Variants in PKN3 observed in about 807,000 individuals in gnomAD.
The protein encoded by PKN3 is serine/threonine-protein kinase N3.
PKN3 carries 91 observed loss-of-function variants against 113.1 expected under a neutral mutation model. That is an observed-to-expected ratio of 0.80 (90% CI 0.68 to 0.96). The LOEUF (loss-of-function observed/expected upper bound fraction) is 0.96, where lower values mean the gene tolerates loss of function less well. Ranked by LOEUF, PKN3 falls within the 40% of genes least tolerant of loss-of-function variation. The probability of loss-of-function intolerance (pLI) is 0.00; values close to 1 mark genes in which losing one functional copy is unlikely to be tolerated. For synonymous variants in PKN3, 467 were observed against 499.0 expected, an observed-to-expected ratio of 0.94 and a Z score of 0.85; for missense variants, 1,052 against 1,202.2, an observed-to-expected ratio of 0.88 and a Z score of 1.85.
rs1386623302 is a variant in PKN3, at chr9:128,713,524, A to G, written c.1118A>G (p.His373Arg). 3.7e-6 allele frequency: 6 copies of G among 1,613,662 alleles called. No individual in the cohort carries two copies. The highest frequency in any genetic ancestry group is 1.1e-5 in the South Asian group (1 of 91,082). Residue 373 changes from histidine to arginine, a missense_variant, in exon 9 of 22, where the codon CAC (histidine) becomes CGC (arginine). His to Arg is a conservative substitution (Grantham distance 29). This residue lies in a region of PKN3 where 719 missense variants were observed against 759.4 expected (regional missense o/e 0.95). Coordinates refer to ENST00000291906, the MANE Select transcript of PKN3 (RefSeq NM_013355.5). ...GCCCGTGAGCTGGAGATTGGGGTAC[A>G]CTGGCGGGACTGGCGGCAGCTATGT... is the stretch of plus-strand genomic sequence containing the variant. The part of the protein sequence containing the change: ...ERARELEIGV[H>R]WRDWRQLCGV...
At position 128,714,049 on chromosome 9, in the gene PKN3, AC is replaced by A. The variant is rs1227497968; in HGVS notation, c.1242del (p.Phe415SerfsTer28). The A allele has an allele frequency of 1.2e-6, 2 of 1,614,020 alleles. No homozygotes were observed. Among genetic ancestry groups the A allele is most frequent in the Non-Finnish European group, 1.7e-6 (2 of 1,179,960 alleles). On this transcript the variant is annotated frameshift_variant, in exon 10 of 22. Transcript: ENST00000291906. LOFTEE classifies it high-confidence loss of function. ...VPQGLLFAQV[T>X]FCDPVIERRP... ...AACCCTGCCCCTACCCCTGCAGGTG[AC>A]CTTCTGCGATCCTGTCATTGAGAGG...
rs761998354 is a variant in PKN3, at chr9:128,714,033, C to T, written c.1237-13C>T. 3.0e-5 allele frequency: 48 copies of T among 1,613,796 alleles called. No homozygotes were observed. The highest frequency in any genetic ancestry group is 3.7e-5 in the Non-Finnish European group (44 of 1,179,900). On this transcript the variant is annotated splice_polypyrimidine_tract_variant and intron_variant, in intron 9 of 21. Transcript: ENST00000291906. ...GAGGCGACTGGTCCACAACCCTGCC[C>T]CTACCCCTGCAGGTGACCTTCTGCG... is the stretch of plus-strand genomic sequence containing the variant.
rs973038614 is a variant in PKN3, at chr9:128,702,892, G to A, written c.-24G>A. ...CGGGACCGGAGTGGCTGAGAGAAGGGCCCCAAGCGGCCGGAGCGGCGCCAT... is the reference window on the plus strand; with the variant it reads ...CGGGACCGGAGTGGCTGAGAGAAGGACCCCAAGCGGCCGGAGCGGCGCCAT... On this transcript the variant is annotated 5_prime_UTR_variant, in exon 1 of 22. Coordinates refer to ENST00000291906, the MANE Select transcript of PKN3 (RefSeq NM_013355.5). 14 of 1,477,804 alleles carry A rather than the reference G, an allele frequency of 9.5e-6. No homozygotes were observed. The highest frequency in any genetic ancestry group is 2.0e-4 in the Middle Eastern group (1 of 4,958). 91.5% of individuals were successfully genotyped at this position (1,477,804 alleles called of 1,614,324 possible).
chr9:128,703,636 G>C lies in PKN3; in HGVS notation c.24+697G>C, dbSNP rs142465301. 13 of 985,450 alleles carry C rather than the reference G, an allele frequency of 1.3e-5. No homozygotes were observed. In the East Asian group the frequency reaches 1.5e-3, roughly 112 times the overall value. 61.0% of individuals were successfully genotyped at this position (985,450 alleles called of 1,614,324 possible). Reference sequence around the variant, plus strand: ...TTGGGAGGGGGGCATTTGCGGACAGGAGTGGGTCCCCGCAAAGAGCGGAAA... The same window carrying C: ...TTGGGAGGGGGGCATTTGCGGACAGCAGTGGGTCCCCGCAAAGAGCGGAAA... On this transcript the variant is annotated intron_variant, in intron 1 of 21. Coordinates refer to ENST00000291906, the MANE Select transcript of PKN3 (RefSeq NM_013355.5).
chr9:128,714,600 T>A lies in PKN3; in HGVS notation c.1520T>A (p.Met507Lys), dbSNP rs1862283888. The change falls in exon 12 of 22, where the codon ATG becomes AAG. Residue 507 changes from methionine to lysine, a missense_variant. Transcript: ENST00000291906. Reference sequence around the variant, plus strand: ...AAGAAGACCCCCTTGGGTGAAGAGATGACACCCCCACCCAAGCCCCCACGC... The same window carrying A: ...AAGAAGACCCCCTTGGGTGAAGAGAAGACACCCCCACCCAAGCCCCCACGC... ...LPKKTPLGEE[M>K]TPPPKPPRLY... 2.9e-6 allele frequency: 4 copies of A among 1,389,046 alleles called. No homozygotes were observed. The highest frequency in any genetic ancestry group is 2.3e-5 in the East Asian group (1 of 43,822). 86.0% of individuals were successfully genotyped at this position (1,389,046 alleles called of 1,614,324 possible).
intron 16 of PKN3, 70 bp downstream of exon 16, chr9:128,716,993 T>A: frequency 7.6e-7 from 1 of 1,322,854 alleles, no homozygotes; most frequent in Non-Finnish European, 1.1e-6. Flanking sequence ...ACTCTCTACA[T>A]ACTGCTTTCT....
In PKN3 at chr9:128,715,545, G is replaced by T; in HGVS notation, c.1808+85G>T. 1 of 1,016,680 alleles carries T rather than the reference G, an allele frequency of 9.8e-7. No homozygotes were observed. Among genetic ancestry groups the T allele is most frequent in the Non-Finnish European group, 1.5e-6 (1 of 656,488 alleles). The allele number at this position is 1,016,680 out of a possible 1,614,324, so 63.0% of individuals were successfully genotyped here. Reference sequence around the variant, plus strand: ...GCAGTTGAAGGTTCCTGGGGCTTTGGAGAGGTGACCCCGTGGGGCCAGCCA... The same window carrying T: ...GCAGTTGAAGGTTCCTGGGGCTTTGTAGAGGTGACCCCGTGGGGCCAGCCA... On this transcript the variant is annotated intron_variant, in intron 15 of 21. Coordinates refer to ENST00000291906, the MANE Select transcript of PKN3 (RefSeq NM_013355.5). The surrounding 1 kb of genome is among the most constrained non-coding windows in gnomAD (Gnocchi z 4.1).
chr9:128,713,966 G>A (rs532195154), intron 9 of PKN3, 80 bp from the exon 10 acceptor site: 5 of 1,454,024 alleles, frequency 3.4e-6, no homozygotes, highest in African/African-American at 1.4e-5. Context: ...GGCTTGGGCT[G>A]TAATCCCAGG....
At chr9:128,719,046 C>T (rs1208632903) in intron 18 of PKN3, among the ~76,000 whole-genome samples, 1 of 151,898 alleles carries the variant, frequency 6.6e-6, no homozygotes, top group Non-Finnish European at 1.5e-5. Flanking sequence ...CAAGCGAGCA[C>T]CACCACACCT....
intron 6 of PKN3, among the ~76,000 whole-genome samples, chr9:128,708,070 C>CAAA (rs61519902): frequency 1.5e-5 from 1 of 68,308 alleles, no homozygotes; most frequent in African/African-American, 5.3e-5. Context: ...GACGCCGTCG[C>CAAA]AAAAAAAAAA....
rs374680381 is a variant in PKN3, at chr9:128,710,955, C to T, written c.836-2097C>T. Among the ~76,000 whole-genome samples, 3 of 152,052 alleles carry T rather than the reference C, an allele frequency of 2.0e-5. No individual in the cohort carries two copies. The South Asian group carries it at 6.2e-4, about 32-fold the overall frequency. ...CCCCATATCCTGTCCCCTGGCTAAA[C>T]ACCCCAGATACTTGAGTTGTCCTTT... is the stretch of plus-strand genomic sequence containing the variant. On this transcript the variant is annotated intron_variant, in intron 6 of 21. Coordinates refer to ENST00000291906, the MANE Select transcript of PKN3 (RefSeq NM_013355.5).
chr9:128,704,924 AAAAAAAG>A (rs1034569017), intron 1 of PKN3, among the ~76,000 whole-genome samples: 1 of 152,008 alleles, frequency 6.6e-6, no homozygotes, highest in African/African-American at 2.4e-5. Context: ...CTCAAAAAAA[AAAAAAAG>A]AAAAAGAAAA....
Position 128,705,396 on chromosome 9 carries a change from C to A in PKN3, c.118C>A (p.Leu40Met). The A allele has an allele frequency of 6.3e-7, 1 of 1,597,456 alleles. No individual in the cohort carries two copies. The highest frequency in any genetic ancestry group is 2.3e-5 in the East Asian group (1 of 44,082). ...ELKIKEGVEN[L>M]RRVATDRRHL... ...GAAGATCAAGGAGGGGGTGGAGAAC[C>A]TGCGGCGCGTGGCCACAGACCGCCG... is the stretch of plus-strand genomic sequence containing the variant. The change falls in exon 2 of 22, where the codon CTG becomes ATG. Residue 40 changes from leucine to methionine, a missense_variant. Leu to Met is a conservative substitution (Grantham distance 15, BLOSUM62 2). This residue lies in a region of PKN3 where 719 missense variants were observed against 759.4 expected (regional missense o/e 0.95). Coordinates refer to ENST00000291906, the MANE Select transcript of PKN3 (RefSeq NM_013355.5).
chr9:128,710,336 C>T (rs1006578988), intron 6 of PKN3, among the ~76,000 whole-genome samples: 1 of 151,932 alleles, frequency 6.6e-6, no homozygotes, highest in Non-Finnish European at 1.5e-5. Flanking sequence ...TGTATCCCAC[C>T]GAGATACAGT....
intron 6 of PKN3, among the ~76,000 whole-genome samples, chr9:128,710,881 C>T (rs907027388): frequency 3.3e-5 from 5 of 152,146 alleles, no homozygotes; most frequent in African/African-American, 1.2e-4. Flanking sequence ...TTGAGGAACG[C>T]AGAAGAAACA....
rs759585265 is a variant in PKN3 at position 128,716,763 on chromosome 9, C to T, written c.1825C>T (p.Arg609Trp). 5.6e-6 allele frequency: 9 copies of T among 1,613,672 alleles called. No individual in the cohort carries two copies. The highest frequency in any genetic ancestry group is 3.3e-5 in the Admixed American group (2 of 59,980). Residue 609 changes from arginine to tryptophan, a missense_variant, in exon 16 of 22, where the codon CGG becomes TGG. By Grantham distance (101) the Arg-to-Trp change is moderately radical. Around this residue, in one of 2 missense-constraint regions of PKN3, gnomAD observed 333 missense variants for 442.8 expected, o/e 0.75. Coordinates refer to ENST00000291906, the MANE Select transcript of PKN3 (RefSeq NM_013355.5). ...CTCCTGTAGCCTGTACTGCGAGAAG[C>T]GGATCCTGGAGGCTGTGGGCTGCAC... ...DEIESLYCEK[R>W]ILEAVGCTGH...
chr9:128,704,171 A>G (rs2132279142), intron 1 of PKN3: 2 of 984,368 alleles, frequency 2.0e-6, no homozygotes, highest in Non-Finnish European at 2.4e-6. Context: ...GCGGGGCATC[A>G]TGGGTTACCC....
Position 128,707,285 on chromosome 9 carries a change from C to G in PKN3, c.715C>G (p.Leu239Val), listed in dbSNP as rs992183941. 3 of 1,613,628 alleles carry G rather than the reference C, an allele frequency of 1.9e-6. No individual in the cohort carries two copies. The African/African-American group carries it at 4.0e-5, about 22-fold the overall frequency. ...LDLLRLALEQ[L>V]LEQLPPAHPL... Reference sequence around the variant, plus strand: ...CCTCCTGCGCCTGGCCTTGGAGCAGCTGCTGGAGCAACTGCCTCCTGCCCA... The same window carrying G: ...CCTCCTGCGCCTGGCCTTGGAGCAGGTGCTGGAGCAACTGCCTCCTGCCCA... The change falls in exon 6 of 22, where the codon CTG becomes GTG. Residue 239 changes from leucine to valine, a missense_variant. Physicochemically the swap from Leu to Val is conservative, Grantham distance 32. Coordinates refer to ENST00000291906, the MANE Select transcript of PKN3 (RefSeq NM_013355.5).
At chr9:128,712,471 T>A (rs1446778839) in intron 6 of PKN3, among the ~76,000 whole-genome samples, 2 of 152,176 alleles carry the variant, frequency 1.3e-5, no homozygotes, top group Non-Finnish European at 2.9e-5. Context: ...GGGACTCACC[T>A]CCACTGTTCA....
Sources: gnomAD v4.1 joint callset for allele counts (sites outside exome capture counted in the v4.1 genomes callset) on GRCh38, gnomAD v4.1.1 for gene constraint, gnomAD v4.1.1 regional missense constraint, Gnocchi (gnomAD v3.1) non-coding constraint, MANE v1.5 for transcripts, NCBI Gene and HGNC (gene_info 2026-07-23, HGNC 2026-07-21) for gene names.